The following FER1L6 variants were observed in gnomAD, a reference collection of about 807,000 sequenced individuals.
FER1L6 encodes fer-1 like family member 6, also known as fer-1-like protein 6.
FER1L6 carries 177 observed loss-of-function variants against 219.2 expected under a neutral mutation model. The observed-to-expected ratio is 0.81, with a 90% CI of 0.71 to 0.91. The LOEUF is 0.91. FER1L6 is among the 40% of genes least tolerant of loss of function. The pLI is 0.00. For synonymous variants in FER1L6, 768 were observed against 824.3 expected, an observed-to-expected ratio of 0.93 and a Z score of 1.17; for missense variants, 2,153 against 2,259.9, an observed-to-expected ratio of 0.95 and a Z score of 0.96.
intron 39 of FER1L6, among the ~76,000 whole-genome samples, chr8:124,109,896 A>G (rs543962024): frequency 3.9e-5 from 6 of 152,310 alleles, no homozygotes; most frequent in African/African-American, 1.4e-4. Context: ...GACTACCAGA[A>G]CCAGTTCTGA....
At chr8:123,858,718 C>G (rs1816691631) in intron 1 of FER1L6, among the ~76,000 whole-genome samples, 1 of 152,200 alleles carries the variant, frequency 6.6e-6, no homozygotes, top group Non-Finnish European at 1.5e-5. Flanking sequence ...ACTAGACGAC[C>G]AGGAAGAAGG....
intron 1 of FER1L6, among the ~76,000 whole-genome samples, chr8:123,899,862 T>G (rs1016426131): frequency 6.6e-6 from 1 of 152,198 alleles, no homozygotes; most frequent in African/African-American, 2.4e-5. Context: ...TATGTGCCTA[T>G]TTTTATACCA....
At chr8:124,070,888 T>C (rs1392882583) in intron 30 of FER1L6, among the ~76,000 whole-genome samples, 1 of 152,176 alleles carries the variant, frequency 6.6e-6, no homozygotes, top group African/African-American at 2.4e-5. Flanking sequence ...ATACCAAATG[T>C]GTGATTTATG....
At position 124,071,458 on chromosome 8, in the gene FER1L6, G is replaced by A. The variant is rs1477765904; in HGVS notation, c.3967-48G>A. The A allele has an allele frequency of 3.1e-6, 5 of 1,606,428 alleles. No homozygotes were observed. In the South Asian group the frequency reaches 5.5e-5, roughly 18 times the overall value. Reference sequence around the variant, plus strand: ...CACAGTGCTCTCTGTGGGTTTTGGTGGGACATATGACCATCTCATTTCAAT... The same window carrying A: ...CACAGTGCTCTCTGTGGGTTTTGGTAGGACATATGACCATCTCATTTCAAT... On this transcript the variant is annotated intron_variant, in intron 30 of 40. Coordinates refer to ENST00000522917, the MANE Select transcript of FER1L6 (RefSeq NM_001039112.2).
chr8:123,945,735 G>A (rs1428990011), intron 1 of FER1L6, among the ~76,000 whole-genome samples: 1 of 152,162 alleles, frequency 6.6e-6, no homozygotes, highest in Non-Finnish European at 1.5e-5. Flanking sequence ...ATTAGCTTGA[G>A]TGAAGTAAAT....
rs1255307549 is a variant in FER1L6, at chr8:124,119,608, C to T, written c.5392C>T (p.Arg1798Cys). The change falls in exon 41 of 41, where the codon CGC becomes TGC. Residue 1798 changes from arginine (R) to cysteine (C), a missense_variant and splice_region_variant. Arg to Cys is a radical substitution (Grantham distance 180, BLOSUM62 -3). Coordinates refer to ENST00000522917, the MANE Select transcript of FER1L6 (RefSeq NM_001039112.2). ...KEPEPLAKPN[R>C]PDTSFSWFMS... Reference sequence around the variant, plus strand: ...GATTTTCTCTTCCTTCCCCCTCAGCCGCCCAGACACCTCCTTTTCGTGGTT... The same window carrying T: ...GATTTTCTCTTCCTTCCCCCTCAGCTGCCCAGACACCTCCTTTTCGTGGTT... 8 of 1,608,392 alleles carry T rather than the reference C, an allele frequency of 5.0e-6. No individual in the cohort carries two copies. The highest frequency in any genetic ancestry group is 3.3e-5 in the South Asian group (3 of 90,670).
At chr8:123,878,801 C>T (rs1192119386) in intron 1 of FER1L6, among the ~76,000 whole-genome samples, 2 of 152,184 alleles carry the variant, frequency 1.3e-5, no homozygotes, top group South Asian at 4.2e-4. Flanking sequence ...TAAAAGAAAA[C>T]CTTGTCACTG....
chr8:124,065,916 C>T (rs899907726), intron 26 of FER1L6, among the ~76,000 whole-genome samples: 4 of 152,194 alleles, frequency 2.6e-5, no homozygotes, highest in Non-Finnish European at 5.9e-5. Flanking sequence ...TTTACTTGTA[C>T]CCATTCAAAT....
chr8:124,032,279 G>T (rs1819003626), intron 18 of FER1L6, among the ~76,000 whole-genome samples: 1 of 152,086 alleles, frequency 6.6e-6, no homozygotes, highest in Non-Finnish European at 1.5e-5. Flanking sequence ...CCAAAAATTA[G>T]CCGGGTGTGG....
chr8:123,958,317 G>A (rs1229010598), intron 2 of FER1L6, among the ~76,000 whole-genome samples: 4 of 152,158 alleles, frequency 2.6e-5, no homozygotes, highest in African/African-American at 7.2e-5. Flanking sequence ...TGGGGGCATG[G>A]CCGAGGTCTC....
chr8:124,028,622 GTTCT>G (rs1351611221), intron 18 of FER1L6, among the ~76,000 whole-genome samples: 10 of 152,312 alleles, frequency 6.6e-5, no homozygotes, highest in Admixed American at 5.2e-4. Context: ...TAGAGCTGCT[GTTCT>G]TTGAGTGGCT....
intron 1 of FER1L6, among the ~76,000 whole-genome samples, chr8:123,892,794 A>T (rs1382335395): frequency 6.6e-6 from 1 of 152,232 alleles, no homozygotes; most frequent in Admixed American, 6.5e-5. Context: ...CAAAATTTCA[A>T]GTTCTAAATT....
At chr8:124,095,874 C>T (rs1172295049) in intron 35 of FER1L6, among the ~76,000 whole-genome samples, 1 of 152,196 alleles carries the variant, frequency 6.6e-6, no homozygotes, top group Non-Finnish European at 1.5e-5. Context: ...TTAATTTGCT[C>T]TGAATTACTC....
At chr8:123,967,194 T>C (rs562114726) in intron 5 of FER1L6, among the ~76,000 whole-genome samples, 6 of 152,168 alleles carry the variant, frequency 3.9e-5, no homozygotes, top group Non-Finnish European at 5.9e-5. Context: ...AATGCCCTAG[T>C]CCTCTCCCTG....
chr8:123,955,921 G>T (rs1814993727), intron 1 of FER1L6, 71 bp from the exon 2 acceptor site: 1 of 1,420,644 alleles, frequency 7.0e-7, no homozygotes, highest in South Asian at 1.2e-5. Flanking sequence ...GTGTGTTTTT[G>T]TGTTTACCTT....
chr8:124,089,253 G>T (rs1821916184), intron 33 of FER1L6, among the ~76,000 whole-genome samples: 1 of 152,150 alleles, frequency 6.6e-6, no homozygotes, highest in Admixed American at 6.5e-5. Flanking sequence ...TGAGTTCTGA[G>T]TTGTGTCTGG....
rs1018495793 is a variant in FER1L6 at position 124,071,650 on chromosome 8, C to G, written c.4092+19C>G. On this transcript the variant is annotated intron_variant, in intron 31 of 40. Transcript: ENST00000522917. ...TGTCGCGGTGAGCCATTCTTGTTTG[C>G]TCTGAGGGGGTGTATTTATCTGCTC... is the stretch of plus-strand genomic sequence containing the variant. 6.2e-7 allele frequency: 1 copy of G among 1,605,976 alleles called. No individual in the cohort carries two copies. The highest frequency in any genetic ancestry group is 1.3e-5 in the African/African-American group (1 of 74,790).
chr8:124,041,047 G>A (rs1819465538), intron 20 of FER1L6, among the ~76,000 whole-genome samples: 2 of 152,162 alleles, frequency 1.3e-5, no homozygotes, highest in Non-Finnish European at 2.9e-5. Context: ...AAATCCAGTA[G>A]GATGCTTGTC....
At chr8:123,918,708 G>T (rs539635235) in intron 1 of FER1L6, among the ~76,000 whole-genome samples, 8 of 151,672 alleles carry the variant, frequency 5.3e-5, no homozygotes, top group Non-Finnish European at 8.8e-5. Context: ...TGGCAGGGGC[G>T]GGGGGGTGGT....
Sources: allele counts gnomAD v4.1 joint callset (sites outside exome capture counted in the v4.1 genomes callset), GRCh38; gene constraint gnomAD v4.1.1; transcripts MANE v1.5; gene names NCBI Gene and HGNC (gene_info 2026-07-23, HGNC 2026-07-21).